The following ATRX variants were observed in gnomAD, a reference collection of about 807,000 sequenced individuals.
ATRX encodes the protein ATRX chromatin remodeler.
Under a neutral mutation model 172.6 loss-of-function variants are expected in ATRX, and 12 were observed. That is an observed-to-expected ratio of 0.07 (90% CI 0.04 to 0.11). The LOEUF is 0.11. ATRX is among the 10% of genes least tolerant of loss of function. The pLI is 1.00. For synonymous variants in ATRX, 674 were observed against 594.7 expected (o/e 1.13, Z -1.94); for missense variants, 1,368 against 1,767.4 (o/e 0.77, Z 4.05).
intron 1 of ATRX, among the ~76,000 whole-genome samples, chrX:77,723,112 T>A (rs1183978037): frequency 9.0e-6 from 1 of 111,233 alleles, no homozygotes; most frequent in African/African-American, 3.3e-5. Flanking sequence ...TACTGCATGT[T>A]CTCACTCATA....
At chrX:77,637,939 C>CAAAAAAAAAAAAAAAAAAAAACA (rs373944111) in intron 15 of ATRX, among the ~76,000 whole-genome samples, 1 of 42,863 alleles carries the variant, frequency 2.3e-5, no homozygotes, top group Non-Finnish European at 3.9e-5. Context: ...AGCTCCATCT[C>CAAAAAAAAAAAAAAAAAAAAACA]AAAAAAAAAA....
intron 1 of ATRX, among the ~76,000 whole-genome samples, chrX:77,723,131 T>C (rs782338435): frequency 2.7e-5 from 3 of 109,987 alleles, no homozygotes; most frequent in Middle Eastern, 4.6e-3. Flanking sequence ...TAAGTGGGAG[T>C]TGAACAATGA....
intron 32 of ATRX, 154 bp from the exon 33 acceptor site, chrX:77,521,652 G>A: frequency 2.3e-6 from 1 of 429,439 alleles, no homozygotes; most frequent in Non-Finnish European, 4.1e-6. Context: ...ATAAAGTGGA[G>A]TAAACCATAT....
intron 22 of ATRX, among the ~76,000 whole-genome samples, chrX:77,607,793 C>CA (rs1334609451): frequency 1.9e-5 from 2 of 107,207 alleles, no homozygotes; most frequent in African/African-American, 6.8e-5. Context: ...AAGAGGACAC[C>CA]AAAAAATGTA....
intron 2 of ATRX, among the ~76,000 whole-genome samples, chrX:77,715,714 T>G (rs1225392940): frequency 9.0e-6 from 1 of 111,647 alleles, no homozygotes; most frequent in African/African-American, 3.3e-5. Context: ...TTTATCCTGT[T>G]CAGGGTTCAC....
chrX:77,600,109 T>C (rs45456098), intron 23 of ATRX, among the ~76,000 whole-genome samples: 1 of 111,973 alleles, frequency 8.9e-6, no homozygotes, highest in African/African-American at 3.2e-5. Flanking sequence ...AATTTCTTAG[T>C]TTTGATAACT....
At chrX:77,677,054 G>A (rs1265020209) in intron 9 of ATRX, among the ~76,000 whole-genome samples, 1 of 109,296 alleles carries the variant, frequency 9.1e-6, no homozygotes, top group Admixed American at 9.8e-5. Flanking sequence ...CCTGGGAGGC[G>A]GAGGTTTCAG....
At chrX:77,735,920 C>T (rs1418051666) in intron 1 of ATRX, among the ~76,000 whole-genome samples, 1 of 109,674 alleles carries the variant, frequency 9.1e-6, no homozygotes, top group Non-Finnish European at 1.9e-5. Flanking sequence ...AGGAGAATCG[C>T]TTGAACCTGG....
At chrX:77,725,493 G>A (rs781823254) in intron 1 of ATRX, among the ~76,000 whole-genome samples, 15 of 111,939 alleles carry the variant, frequency 1.3e-4, no homozygotes, top group Non-Finnish European at 2.6e-4. Flanking sequence ...AAAGACTTAA[G>A]CGTCAGACCT....
intron 34 of ATRX, among the ~76,000 whole-genome samples, chrX:77,514,382 AAC>A (rs2062982289): frequency 8.9e-6 from 1 of 112,277 alleles, no homozygotes; most frequent in East Asian, 2.8e-4. Context: ...CAGTAACCAA[AAC>A]AGTGTGGTAC....
At chrX:77,540,135 T>TG (rs1275795653) in intron 30 of ATRX, among the ~76,000 whole-genome samples, 1 of 110,230 alleles carries the variant, frequency 9.1e-6, no homozygotes, top group Non-Finnish European at 1.9e-5. Flanking sequence ...ACCAAGCAAA[T>TG]GGAAAGCAAA....
At chrX:77,670,994 A>C (rs782769623) in intron 10 of ATRX, among the ~76,000 whole-genome samples, 1 of 102,758 alleles carries the variant, frequency 9.7e-6, no homozygotes, top group Non-Finnish European at 2.0e-5. Context: ...CTAAAAATTC[A>C]AAAATTAGCC....
rs45457597 is a variant in ATRX at position 77,674,522 on chromosome X, G to C, written c.3809+1704C>G. 760 of 111,196 alleles carry C rather than the reference G, an allele frequency of 6.8e-3. 12 individuals carry two copies. The highest frequency in any genetic ancestry group is 0.024 in the African/African-American group (732 of 30,766). The allele number at this position is 111,196 out of a possible 1,213,427, so 9.2% of individuals were successfully genotyped here. On this transcript the variant is annotated intron_variant, in intron 10 of 34. Coordinates refer to ENST00000373344, the MANE Select transcript of ATRX (RefSeq NM_000489.6). ...TCCAATAAAATACTTGCCAGTTACAGAGAGATACGATCAGGTAACTTAAAA... is the reference window on the plus strand; with the variant it reads ...TCCAATAAAATACTTGCCAGTTACACAGAGATACGATCAGGTAACTTAAAA...
intron 1 of ATRX, among the ~76,000 whole-genome samples, chrX:77,782,656 G>A (rs974831324): frequency 1.1e-4 from 12 of 112,044 alleles, no homozygotes; most frequent in African/African-American, 3.9e-4. Flanking sequence ...GGGAGGCTGA[G>A]GCAGGAGAAT....
chrX:77,517,566 T>C (rs1786686362), intron 34 of ATRX, among the ~76,000 whole-genome samples: 1 of 111,992 alleles, frequency 8.9e-6, no homozygotes, highest in Non-Finnish European at 1.9e-5. Context: ...GAAACCAATG[T>C]CTTCACTGCT....
At chrX:77,524,546 T>C (rs2063324118) in intron 30 of ATRX, among the ~76,000 whole-genome samples, 1 of 111,261 alleles carries the variant, frequency 9.0e-6, no homozygotes, top group African/African-American at 3.3e-5. Context: ...TAACTCAAGA[T>C]GAAAAATTCA....
At chrX:77,661,475 A>C (rs2069899947) in intron 12 of ATRX, among the ~76,000 whole-genome samples, 1 of 110,506 alleles carries the variant, frequency 9.0e-6, no homozygotes, top group African/African-American at 3.3e-5. Flanking sequence ...TTGAAAAAAA[A>C]AAAAAAACTT....
At chrX:77,758,091 A>G (rs1363488186) in intron 1 of ATRX, among the ~76,000 whole-genome samples, 1 of 111,846 alleles carries the variant, frequency 8.9e-6, no homozygotes, top group Non-Finnish European at 1.9e-5. Flanking sequence ...ATGAAATATT[A>G]AAAGTGTGAA....
chrX:77,773,982 G>T (rs1557200732), intron 1 of ATRX, among the ~76,000 whole-genome samples: 2 of 110,844 alleles, frequency 1.8e-5, no homozygotes, highest in Non-Finnish European at 3.8e-5. Context: ...CAGCACTTTG[G>T]GAGTCCGAGG....
Sources: gnomAD v4.1 joint callset for allele counts (sites outside exome capture counted in the v4.1 genomes callset) on GRCh38, gnomAD v4.1.1 for gene constraint, MANE v1.5 for transcripts, NCBI Gene and HGNC (gene_info 2026-07-23, HGNC 2026-07-21) for gene names.